The following CNTN3 variants were observed in gnomAD, a reference collection of about 807,000 sequenced individuals.
The protein encoded by CNTN3 is contactin 3, also known as contactin-3.
A neutral mutation model predicts 119.1 loss-of-function variants in CNTN3; 60 were observed. The ratio of observed to expected loss-of-function variants is 0.50; its 90% CI spans 0.41 to 0.62. The LOEUF (loss-of-function observed/expected upper bound fraction) is 0.62, where lower values mean the gene tolerates loss of function less well. CNTN3 is among the 20% of genes least tolerant of loss of function. The pLI is 0.00. For synonymous variants in CNTN3, 450 were observed against 438.7 expected (o/e 1.03, Z -0.32); for missense variants, 1,101 against 1,242.4 (o/e 0.89, Z 1.71).
At chr3:74,361,801 T>C in intron 11 of CNTN3, 89 bp downstream of exon 11, 1 of 1,326,840 alleles carries the variant, frequency 7.5e-7, no homozygotes, top group Non-Finnish European at 1.0e-6. Flanking sequence ...AAATGCTATT[T>C]TGTTTCATTT....
chr3:74,361,413 C>A (rs934345162), intron 11 of CNTN3, among the ~76,000 whole-genome samples: 1 of 152,192 alleles, frequency 6.6e-6, no homozygotes, highest in African/African-American at 2.4e-5. Context: ...GACCATCCTG[C>A]TTCTTCATCT....
chr3:74,428,852 A>T (rs1041418076), intron 4 of CNTN3, among the ~76,000 whole-genome samples: 3 of 152,146 alleles, frequency 2.0e-5, no homozygotes, highest in Non-Finnish European at 4.4e-5. Flanking sequence ...CCTATCTTTT[A>T]TATTGTACTG....
intron 2 of CNTN3, among the ~76,000 whole-genome samples, chr3:74,514,572 C>A (rs1206059096): frequency 1.3e-5 from 2 of 151,980 alleles, no homozygotes; most frequent in South Asian, 4.2e-4. Context: ...AAGAATAATA[C>A]CATAAAAGAT....
intron 4 of CNTN3, among the ~76,000 whole-genome samples, chr3:74,446,912 T>G (rs1260543012): frequency 4.6e-5 from 7 of 152,306 alleles, no homozygotes; most frequent in Admixed American, 3.3e-4. Flanking sequence ...CTCCCTAATA[T>G]GTTCTGTACA....
chr3:74,367,229 C>A (rs914056405), intron 8 of CNTN3, among the ~76,000 whole-genome samples: 2 of 151,886 alleles, frequency 1.3e-5, no homozygotes, highest in African/African-American at 4.8e-5. Context: ...ATGCTTTATG[C>A]CATTAATTTC....
In CNTN3 at chr3:74,285,406, C is replaced by CCCCG; in HGVS notation, c.2599_2602dup (p.Gly868AlafsTer25). 1 of 1,613,592 alleles carries CCCCG rather than the reference C, an allele frequency of 6.2e-7. No homozygotes were observed. Among genetic ancestry groups the CCCCG allele is most frequent in the African/African-American group, 1.3e-5 (1 of 74,976 alleles). ...GTAATAGGCCAGGTTGCTCTTCAGG[C>CCCCG]CCCGTAGTCTGGCTGATGTCTCATT... On this transcript the variant is annotated frameshift_variant, in exon 20 of 23. Coordinates refer to ENST00000263665, the MANE Select transcript of CNTN3 (RefSeq NM_020872.3). LOFTEE classifies it high-confidence loss of function.
intron 5 of CNTN3, among the ~76,000 whole-genome samples, chr3:74,407,264 A>AT (rs753215277): frequency 0.049 from 5,145 of 105,386 alleles, 486 homozygotes; most frequent in African/African-American, 0.15. Flanking sequence ...CAAATATTCT[A>AT]TTTTTTTTTT....
intron 13 of CNTN3, among the ~76,000 whole-genome samples, 197 bp from the exon 14 acceptor site, chr3:74,303,004 C>A (rs1434670360): frequency 6.6e-6 from 1 of 152,134 alleles, no homozygotes; most frequent in Non-Finnish European, 1.5e-5. Context: ...TGACTGCAGT[C>A]AAAGATTTCT....
chr3:74,306,416 T>C (rs1476116426), intron 13 of CNTN3, among the ~76,000 whole-genome samples: 2 of 152,146 alleles, frequency 1.3e-5, no homozygotes, highest in Non-Finnish European at 2.9e-5. Flanking sequence ...GAAACACTAA[T>C]AATACTTTGA....
At chr3:74,462,020 G>A (rs182969510) in intron 4 of CNTN3, among the ~76,000 whole-genome samples, 4 of 152,126 alleles carry the variant, frequency 2.6e-5, no homozygotes, top group East Asian at 1.9e-4. Flanking sequence ...TATGAGGATC[G>A]ATCCCTCATG....
chr3:74,297,673 G>A (rs1326962022), intron 18 of CNTN3, among the ~76,000 whole-genome samples: 1 of 152,176 alleles, frequency 6.6e-6, no homozygotes, highest in Non-Finnish European at 1.5e-5. Context: ...GCATTTTCTT[G>A]CATGACTTGG....
chr3:74,321,599 T>C (rs57292124), intron 13 of CNTN3, among the ~76,000 whole-genome samples: 25,810 of 151,876 alleles, frequency 0.17, 3,152 homozygotes, highest in East Asian at 0.5. Context: ...ACAAAGGAAA[T>C]CAGCAAAAGC....
rs543450526 is a variant in CNTN3 at position 74,487,577 on chromosome 3, T to G, written c.183-946A>C. ...TAATGATTTTAATAAAGCAACCATG[T>G]GAGTTGACAACTGTCCCCAAAACTA... On this transcript the variant is annotated intron_variant, in intron 3 of 22. Transcript: ENST00000263665. 8.9e-4 allele frequency among the ~76,000 whole-genome samples: 136 copies of G among 152,290 alleles called. 1 individual carries two copies. The highest frequency in any genetic ancestry group is 8.9e-3 in the Admixed American group (136 of 15,284).
At position 74,266,503 on chromosome 3, in the gene CNTN3, C is replaced by T; in HGVS notation, c.2964G>A (p.Gln988=). The T allele has an allele frequency of 1.2e-6, 2 of 1,613,162 alleles. No homozygotes were observed. Among genetic ancestry groups the T allele is most frequent in the Middle Eastern group, 1.7e-4 (1 of 6,050 alleles). Residue 988 remains glutamine, a synonymous_variant, in exon 22 of 23, where the codon CAG becomes CAA. Transcript: ENST00000263665. ...TACTGGTTATTCGTGGAATCCTGATCTGTTCACTACTGGTCCCATCCCCTC... is the reference window on the plus strand; with the variant it reads ...TACTGGTTATTCGTGGAATCCTGATTTGTTCACTACTGGTCCCATCCCCTC... ...TDGGDGTSSE[Q]IRIPRITSMD...
intron 1 of CNTN3, among the ~76,000 whole-genome samples, chr3:74,549,563 A>T (rs1463608489): frequency 2.0e-5 from 3 of 151,476 alleles, no homozygotes; most frequent in African/African-American, 7.3e-5. Flanking sequence ...TTTTTTTTTT[A>T]AATGGGTTCG....
intron 13 of CNTN3, among the ~76,000 whole-genome samples, chr3:74,332,053 C>T (rs1015456816): frequency 1.3e-5 from 2 of 152,186 alleles, no homozygotes; most frequent in Admixed American, 6.5e-5. Context: ...TGAACTACCC[C>T]TAACCTATTT....
At chr3:74,358,317 A>T (rs1301394669) in intron 11 of CNTN3, among the ~76,000 whole-genome samples, 1 of 152,162 alleles carries the variant, frequency 6.6e-6, no homozygotes, top group Non-Finnish European at 1.5e-5. Context: ...GAGTGTCAGA[A>T]GGCTTGAAAG....
chr3:74,323,970 C>T lies in CNTN3; in HGVS notation c.1668+10765G>A, dbSNP rs377102018. Among the ~76,000 whole-genome samples the T allele has an allele frequency of 3.3e-5, 5 of 151,918 alleles. No homozygotes were observed. The East Asian group carries it at 7.7e-4, about 24-fold the overall frequency. Reference sequence around the variant, plus strand: ...GAACTGAAGGAATTATAAACAATATCAAATGAATTACTACTGACTCTCTTA... The same window carrying T: ...GAACTGAAGGAATTATAAACAATATTAAATGAATTACTACTGACTCTCTTA... On this transcript the variant is annotated intron_variant, in intron 13 of 22. Transcript: ENST00000263665.
intron 5 of CNTN3, among the ~76,000 whole-genome samples, chr3:74,384,862 T>C (rs1394839669): frequency 1.3e-5 from 2 of 152,350 alleles, no homozygotes; most frequent in Admixed American, 1.3e-4. Context: ...ATTTGTTTTG[T>C]ACCAAATTTT....
Sources: gnomAD v4.1 joint callset for allele counts (sites outside exome capture counted in the v4.1 genomes callset) on GRCh38, gnomAD v4.1.1 for gene constraint, MANE v1.5 for transcripts, NCBI Gene and HGNC (gene_info 2026-07-23, HGNC 2026-07-21) for gene names.